Variants in NAB1 observed in about 807,000 individuals in gnomAD.
NAB1 encodes the protein NGFI-A binding protein 1, also known as NGFI-A-binding protein 1.
NAB1 carries 25 observed loss-of-function variants against 49.9 expected under a neutral mutation model. That is an observed-to-expected ratio of 0.50 (90% confidence interval 0.37 to 0.70). NAB1 has a LOEUF of 0.70. Ranked by LOEUF, NAB1 falls within the 30% of genes least tolerant of loss-of-function variation. The pLI is 0.00. For synonymous variants in NAB1, 198 were observed against 215.6 expected, an observed-to-expected ratio of 0.92 and a Z score of 0.71; for missense variants, 489 against 575.9, an observed-to-expected ratio of 0.85 and a Z score of 1.54.
At position 190,667,618 on chromosome 2, in the gene NAB1, G is replaced by A. The variant is rs1694590927; in HGVS notation, c.820-2708G>A. Among the ~76,000 whole-genome samples the A allele has an allele frequency of 6.6e-6, 1 of 152,112 alleles. No homozygotes were observed. Among genetic ancestry groups the A allele is most frequent in the Non-Finnish European group, 1.5e-5 (1 of 67,998 alleles). Reference sequence around the variant, plus strand: ...ATTATGCTTTCATATTCAGCTATGGGTTTAAAATAGGAGACCTGGGTTTAT... The same window carrying A: ...ATTATGCTTTCATATTCAGCTATGGATTTAAAATAGGAGACCTGGGTTTAT... On this transcript the variant is annotated intron_variant, in intron 4 of 9. Coordinates refer to ENST00000337386, the MANE Select transcript of NAB1 (RefSeq NM_005966.4). The surrounding 1 kb of genome is among the most constrained non-coding windows in gnomAD (Gnocchi z 4.4).
rs1294922296 is a variant in NAB1 at position 190,666,442 on chromosome 2, C to T, written c.820-3884C>T. On this transcript the variant is annotated intron_variant, in intron 4 of 9. Coordinates refer to ENST00000337386, the MANE Select transcript of NAB1 (RefSeq NM_005966.4). The surrounding 1 kb of genome is among the most constrained non-coding windows in gnomAD (Gnocchi z 5.6). ...CTTTAAGAGGCCGGGCATGGTGGCT[C>T]ACGCCTGTAATCCCAGCACTTTGGG... Among the ~76,000 whole-genome samples, 1 of 152,214 alleles carries T rather than the reference C, an allele frequency of 6.6e-6. No homozygotes were observed. The highest frequency in any genetic ancestry group is 6.5e-5 in the Admixed American group (1 of 15,286).
intron 2 of NAB1, among the ~76,000 whole-genome samples, chr2:190,655,284 G>A (rs1693861431): frequency 6.6e-6 from 1 of 152,178 alleles, no homozygotes; most frequent in Admixed American, 6.5e-5. Context: ...GGTGCTTTGT[G>A]TGTATTTGGA....
chr2:190,673,179 T>C lies in NAB1; in HGVS notation c.1005+27T>C, dbSNP rs780093938. The C allele has an allele frequency of 5.0e-6, 8 of 1,601,032 alleles. No individual in the cohort carries two copies. In the South Asian group the frequency reaches 7.7e-5, roughly 15 times the overall value. On this transcript the variant is annotated intron_variant, in intron 6 of 9. Coordinates refer to ENST00000337386, the MANE Select transcript of NAB1 (RefSeq NM_005966.4). ...TATGGTCATATGTTACATTTTCTTA[T>C]GCTGATAATGTTTGCTTTTGTTTTA...
chr2:190,672,460 T>C (rs1694861418), intron 5 of NAB1, among the ~76,000 whole-genome samples: 1 of 152,188 alleles, frequency 6.6e-6, no homozygotes, highest in Non-Finnish European at 1.5e-5. Flanking sequence ...TATATATATG[T>C]AGGTACCACT....
Position 190,652,416 on chromosome 2 carries a change from G to A in NAB1, c.-197+2434G>A, listed in dbSNP as rs368226223. On this transcript the variant is annotated intron_variant, in intron 2 of 9. Transcript: ENST00000337386. The surrounding 1 kb of genome is among the most constrained non-coding windows in gnomAD (Gnocchi z 4.2). Reference sequence around the variant, plus strand: ...TTTCCAGCCATTGTACGAAATGCTAGTATTTGCCTATTGTTACTATAGTTA... The same window carrying A: ...TTTCCAGCCATTGTACGAAATGCTAATATTTGCCTATTGTTACTATAGTTA... Among the ~76,000 whole-genome samples the A allele has an allele frequency of 5.3e-5, 8 of 152,158 alleles. No homozygotes were observed. In the East Asian group the frequency reaches 1.3e-3, roughly 26 times the overall value.
intron 3 of NAB1, among the ~76,000 whole-genome samples, 163 bp downstream of exon 3, chr2:190,656,316 T>A (rs1342690543): frequency 6.6e-6 from 1 of 152,248 alleles, no homozygotes; most frequent in Non-Finnish European, 1.5e-5. Context: ...GTTATAGATT[T>A]TATGAAAACA....
At chr2:190,653,644 T>C (rs1693778844) in intron 2 of NAB1, 1 of 152,224 alleles carries the variant, frequency 6.6e-6, no homozygotes, top group Non-Finnish European at 1.5e-5. Context: ...GATGCAAGAA[T>C]AGTGATTATA....
Position 190,670,573 on chromosome 2 carries a change from G to C in NAB1, c.953+114G>C. On this transcript the variant is annotated intron_variant, in intron 5 of 9. Transcript: ENST00000337386. This position sits in a 1 kb window ranked among gnomAD's most constrained non-coding sequence, Gnocchi z 5.3. ...CTGAAAAAGTGGAAGTATGATTATTGTTCTATGAAACTAAACAATGCAGTG... is the reference window on the plus strand; with the variant it reads ...CTGAAAAAGTGGAAGTATGATTATTCTTCTATGAAACTAAACAATGCAGTG... 1 of 1,200,342 alleles carries C rather than the reference G, an allele frequency of 8.3e-7. No homozygotes were observed. The highest frequency in any genetic ancestry group is 1.5e-5 in the South Asian group (1 of 66,036). 74.4% of individuals were successfully genotyped at this position (1,200,342 alleles called of 1,614,324 possible). A position where few individuals can be genotyped will look rare whatever the true frequency, so the allele number is the denominator to read the frequency against.
At chr2:190,690,219 C>G in intron 9 of NAB1, 26 bp from the exon 10 acceptor site, 1 of 1,498,070 alleles carries the variant, frequency 6.7e-7, no homozygotes, top group Non-Finnish European at 9.3e-7. Flanking sequence ...AAAATATCAA[C>G]TCACTTTGTT....
At chr2:190,665,587 G>A (rs1694475661) in intron 4 of NAB1, among the ~76,000 whole-genome samples, 1 of 152,028 alleles carries the variant, frequency 6.6e-6, no homozygotes, top group Non-Finnish European at 1.5e-5. Flanking sequence ...ATATTTCTTG[G>A]AACTTTAACT....
At position 190,670,535 on chromosome 2, in the gene NAB1, A is replaced by T; in HGVS notation, c.953+76A>T. On this transcript the variant is annotated intron_variant, in intron 5 of 9. Transcript: ENST00000337386. This position sits in a 1 kb window ranked among gnomAD's most constrained non-coding sequence, Gnocchi z 5.3. Reference sequence around the variant, plus strand: ...AGTTCGAAACATCATCTATTGATAGAATATAAGCATTTCTGAAAAAGTGGA... The same window carrying T: ...AGTTCGAAACATCATCTATTGATAGTATATAAGCATTTCTGAAAAAGTGGA... The T allele has an allele frequency of 7.0e-7, 1 of 1,437,302 alleles. No individual in the cohort carries two copies. Among genetic ancestry groups the T allele is most frequent in the East Asian group, 2.3e-5 (1 of 42,804 alleles). 89.0% of individuals were successfully genotyped at this position (1,437,302 alleles called of 1,614,324 possible). A position where few individuals can be genotyped will look rare whatever the true frequency, so the allele number is the denominator to read the frequency against.
rs778211635 is a variant in NAB1 at position 190,659,846 on chromosome 2, A to T, written c.670A>T (p.Thr224Ser). Residue 224 changes from threonine to serine, a missense_variant, in exon 4 of 10, where the codon ACC becomes TCC. Thr to Ser is a moderately conservative substitution (Grantham distance 58, BLOSUM62 1). Around this residue, in one of 4 missense-constraint regions of NAB1, gnomAD observed 204 missense variants for 220.9 expected, o/e 0.92. Coordinates refer to ENST00000337386, the MANE Select transcript of NAB1 (RefSeq NM_005966.4). This position sits in a 1 kb window ranked among gnomAD's most constrained non-coding sequence, Gnocchi z 6.2. ...GAATGAAGTGAAAGAGCTGCTAAAAACCAACAAGAAGTTGGCCAAAATGAT... is the reference window on the plus strand; with the variant it reads ...GAATGAAGTGAAAGAGCTGCTAAAATCCAACAAGAAGTTGGCCAAAATGAT... ...DLNEVKELLK[T>S]NKKLAKMIGH... The T allele has an allele frequency of 8.1e-6, 13 of 1,614,080 alleles. No individual in the cohort carries two copies. The Admixed American group carries it at 2.2e-4, about 27-fold the overall frequency.
At position 190,682,578 on chromosome 2, in the gene NAB1, A is replaced by G. The variant is rs575429055; in HGVS notation, c.1006-1160A>G. 1.9e-4 allele frequency among the ~76,000 whole-genome samples: 29 copies of G among 152,352 alleles called. No individual in the cohort carries two copies. In the East Asian group the frequency reaches 5.6e-3, roughly 29 times the overall value. Reference sequence around the variant, plus strand: ...ACAAAATTAATTTCAGATAGGTCAGAGGGTTAAATTTAAAAAACAAATCAA... The same window carrying G: ...ACAAAATTAATTTCAGATAGGTCAGGGGGTTAAATTTAAAAAACAAATCAA... On this transcript the variant is annotated intron_variant, in intron 6 of 9. Transcript: ENST00000337386. This position sits in a 1 kb window ranked among gnomAD's most constrained non-coding sequence, Gnocchi z 4.1.
intron 4 of NAB1, among the ~76,000 whole-genome samples, chr2:190,662,591 G>A (rs1694283676): frequency 6.6e-6 from 1 of 152,116 alleles, no homozygotes; most frequent in African/African-American, 2.4e-5. Context: ...CTATCATAAG[G>A]GGTGTTAATA....
intron 4 of NAB1, among the ~76,000 whole-genome samples, chr2:190,668,823 T>C (rs1005277421): frequency 2.6e-5 from 4 of 152,164 alleles, no homozygotes; most frequent in African/African-American, 7.2e-5. Flanking sequence ...AGACCCCCAG[T>C]TGGATGCCTG....
At chr2:190,668,388 T>C (rs2109958) in intron 4 of NAB1, among the ~76,000 whole-genome samples, 33,542 of 151,980 alleles carry the variant, frequency 0.22, 3,804 homozygotes, top group Non-Finnish European at 0.25. Context: ...AAATAATATA[T>C]GGTTGTTTTC....
chr2:190,655,493 C>A (rs961286564), intron 2 of NAB1, among the ~76,000 whole-genome samples: 3 of 152,088 alleles, frequency 2.0e-5, no homozygotes, highest in Non-Finnish European at 4.4e-5. Flanking sequence ...GAAGGAAAAA[C>A]AAATAATATA....
rs2125533940 is a variant in NAB1 at position 190,651,117 on chromosome 2, T to G, written c.-197+1135T>G. Among the ~76,000 whole-genome samples, 1 of 152,346 alleles carries G rather than the reference T, an allele frequency of 6.6e-6. No homozygotes were observed. The highest frequency in any genetic ancestry group is 1.9e-4 in the East Asian group (1 of 5,194). On this transcript the variant is annotated intron_variant, in intron 2 of 9. Coordinates refer to ENST00000337386, the MANE Select transcript of NAB1 (RefSeq NM_005966.4). This position sits in a 1 kb window ranked among gnomAD's most constrained non-coding sequence, Gnocchi z 4.3. ...CATTGAGGAACTGTAGATTTTTATTTTATTCTGCCTGCTAATTATGGATGT... is the reference window on the plus strand; with the variant it reads ...CATTGAGGAACTGTAGATTTTTATTGTATTCTGCCTGCTAATTATGGATGT...
chr2:190,672,994 G>T (rs1276628275), intron 5 of NAB1, 107 bp from the exon 6 acceptor site: 1 of 895,472 alleles, frequency 1.1e-6, no homozygotes, highest in East Asian at 2.5e-5. Flanking sequence ...TGGTGTTGGA[G>T]TTTCAGGGTA....
Sources: gnomAD v4.1 joint callset for allele counts (sites outside exome capture counted in the v4.1 genomes callset) on GRCh38, gnomAD v4.1.1 for gene constraint, gnomAD v4.1.1 regional missense constraint, Gnocchi (gnomAD v3.1) non-coding constraint, MANE v1.5 for transcripts, NCBI Gene and HGNC (gene_info 2026-07-23, HGNC 2026-07-21) for gene names.